Variants in ANKS1B observed in about 807,000 individuals in gnomAD.
ANKS1B encodes ankyrin repeat and sterile alpha motif domain-containing protein 1B.
ANKS1B carries 36 observed loss-of-function variants against 148.3 expected under a neutral mutation model. The ratio of observed to expected loss-of-function variants is 0.24; its 90% CI spans 0.19 to 0.32. The LOEUF (loss-of-function observed/expected upper bound fraction) is 0.32. Among genes scored for constraint, ANKS1B ranks in the 10% least tolerant of loss-of-function variants. The pLI is 1.00. For synonymous variants in ANKS1B, 542 were observed against 560.8 expected (o/e 0.97, Z 0.47); for missense variants, 1,157 against 1,542.6 (o/e 0.75, Z 4.19).
intron 20 of ANKS1B, among the ~76,000 whole-genome samples, chr12:98,804,372 T>G (rs763618037): frequency 2.0e-5 from 3 of 151,984 alleles, no homozygotes; most frequent in African/African-American, 4.8e-5. Context: ...GAAAATAAAT[T>G]TCTTTTCTGC....
intron 12 of ANKS1B, among the ~76,000 whole-genome samples, chr12:99,276,923 T>C (rs1018011872): frequency 4.6e-5 from 7 of 152,206 alleles, no homozygotes; most frequent in Admixed American, 2.6e-4. Flanking sequence ...ATGATCTCTG[T>C]ATAGTTCCTT....
At chr12:99,610,527 C>A (rs1420613910) in intron 9 of ANKS1B, among the ~76,000 whole-genome samples, 1 of 152,004 alleles carries the variant, frequency 6.6e-6, no homozygotes, top group Non-Finnish European at 1.5e-5. Flanking sequence ...GTTCTAATTT[C>A]TATGAACCAC....
At chr12:99,034,648 T>C (rs1356061755) in intron 17 of ANKS1B, among the ~76,000 whole-genome samples, 2 of 152,182 alleles carry the variant, frequency 1.3e-5, no homozygotes, top group Non-Finnish European at 1.5e-5. Context: ...TGGAGTCTTA[T>C]ACATGTGAAG....
chr12:99,718,008 A>C (rs1305501248), intron 8 of ANKS1B, among the ~76,000 whole-genome samples: 2 of 139,918 alleles, frequency 1.4e-5, no homozygotes, highest in Non-Finnish European at 3.0e-5. Context: ...GGTTCACGCC[A>C]TTCTCCTGCC....
intron 1 of ANKS1B, among the ~76,000 whole-genome samples, chr12:99,887,169 C>T (rs1324451598): frequency 6.6e-6 from 1 of 152,120 alleles, no homozygotes; most frequent in Non-Finnish European, 1.5e-5. Context: ...CACTAATAAA[C>T]GATGGGACAG....
chr12:99,049,004 T>C (rs1488836255), intron 17 of ANKS1B: 1 of 152,240 alleles, frequency 6.6e-6, no homozygotes, highest in Non-Finnish European at 1.5e-5. Context: ...AGATAATTTA[T>C]AAAGTTCACT....
At chr12:99,315,485 G>GC (rs2083903878) in intron 12 of ANKS1B, among the ~76,000 whole-genome samples, 2 of 152,206 alleles carry the variant, frequency 1.3e-5, no homozygotes, top group South Asian at 4.2e-4. Flanking sequence ...CTGATCATTA[G>GC]AGAAATGCAA....
In ANKS1B at chr12:98,889,144, C is replaced by A. The variant is rs114650797; in HGVS notation, c.2779-57008G>T. Among the ~76,000 whole-genome samples the A allele has an allele frequency of 4.7e-3, 709 of 152,256 alleles. 8 individuals are homozygous for A. Among genetic ancestry groups the A allele is most frequent in the African/African-American group, 0.016 (663 of 41,542 alleles). Reference sequence around the variant, plus strand: ...CAATATCAAGCCTAGCTCACAAAGTCTACTGGACCCATAATGAGTTAAACT... The same window carrying A: ...CAATATCAAGCCTAGCTCACAAAGTATACTGGACCCATAATGAGTTAAACT... On this transcript the variant is annotated intron_variant, in intron 17 of 26. Transcript: ENST00000683438.
chr12:99,507,889 T>C (rs890548518), intron 9 of ANKS1B, among the ~76,000 whole-genome samples: 2 of 151,836 alleles, frequency 1.3e-5, no homozygotes, highest in Non-Finnish European at 2.9e-5. Flanking sequence ...CATTGTATCA[T>C]TGAAACCTGT....
chr12:99,554,183 A>G (rs1293139292), intron 9 of ANKS1B, among the ~76,000 whole-genome samples: 1 of 152,194 alleles, frequency 6.6e-6, no homozygotes, highest in South Asian at 2.1e-4. Context: ...TCCAAATTCA[A>G]CTGCATGGAT....
chr12:99,694,798 A>T lies in ANKS1B; in HGVS notation c.1129-39588T>A, dbSNP rs115524474. Among the ~76,000 whole-genome samples, 1,433 of 152,290 alleles carry T rather than the reference A, an allele frequency of 9.4e-3. 26 individuals carry two copies. The highest frequency in any genetic ancestry group is 0.033 in the African/African-American group (1,382 of 41,550). ...AAGATCTTACATGTTATTTTGCTCA[A>T]CCTATTCCTAGTGCCAAACTTCTTT... is the stretch of plus-strand genomic sequence containing the variant. On this transcript the variant is annotated intron_variant, in intron 8 of 26. Transcript: ENST00000683438.
At chr12:99,769,304 T>C (rs1461410589) in intron 8 of ANKS1B, among the ~76,000 whole-genome samples, 1 of 152,152 alleles carries the variant, frequency 6.6e-6, no homozygotes, top group Non-Finnish European at 1.5e-5. Flanking sequence ...CCAAGAGCAA[T>C]GCTCAGAGCT....
intron 19 of ANKS1B, among the ~76,000 whole-genome samples, chr12:98,827,058 G>C (rs994034059): frequency 2.6e-5 from 4 of 152,206 alleles, no homozygotes; most frequent in African/African-American, 9.6e-5. Flanking sequence ...CAAGATGACA[G>C]AGTATTTCAT....
chr12:98,800,039 A>C (rs1350709004), intron 21 of ANKS1B, among the ~76,000 whole-genome samples: 4 of 152,244 alleles, frequency 2.6e-5, no homozygotes, highest in South Asian at 4.1e-4. Context: ...GTGAGAGGGC[A>C]CAACAGCAGA....
chr12:98,891,728 A>G (rs563858288), intron 17 of ANKS1B, among the ~76,000 whole-genome samples: 10 of 152,088 alleles, frequency 6.6e-5, no homozygotes, highest in Admixed American at 6.5e-4. Context: ...GTTTCACTCA[A>G]TGCATATTCA....
intron 15 of ANKS1B, among the ~76,000 whole-genome samples, chr12:99,138,765 G>T (rs1246751922): frequency 1.3e-5 from 2 of 151,982 alleles, no homozygotes; most frequent in Non-Finnish European, 2.9e-5. Flanking sequence ...TTTGTTCATT[G>T]TTCCATTCAC....
rs1380536357 is a variant in ANKS1B, at chr12:99,711,400, G to C, written c.1129-56190C>G. 2.6e-5 allele frequency among the ~76,000 whole-genome samples: 4 copies of C among 151,964 alleles called. No homozygotes were observed. The South Asian group carries it at 6.2e-4, about 24-fold the overall frequency. On this transcript the variant is annotated intron_variant, in intron 8 of 26. Transcript: ENST00000683438. ...TTTTGTCACCCAGGTACTAAGTCTA[G>C]TACTCATTAGTTATTTTTCCTGATC...
intron 8 of ANKS1B, among the ~76,000 whole-genome samples, chr12:99,747,733 T>C (rs2060726401): frequency 6.6e-6 from 1 of 152,122 alleles, no homozygotes; most frequent in Non-Finnish European, 1.5e-5. Flanking sequence ...TTCTCACGCC[T>C]AGAATGCTCT....
intron 1 of ANKS1B, among the ~76,000 whole-genome samples, chr12:99,938,382 C>A (rs1365612482): frequency 6.6e-6 from 1 of 152,088 alleles, no homozygotes; most frequent in Non-Finnish European, 1.5e-5. Flanking sequence ...TAAGTACTGG[C>A]AAATATGTTG....
Sources: gnomAD v4.1 joint callset for allele counts (sites outside exome capture counted in the v4.1 genomes callset) on GRCh38, gnomAD v4.1.1 for gene constraint, MANE v1.5 for transcripts, NCBI Gene and HGNC (gene_info 2026-07-23, HGNC 2026-07-21) for gene names.